CARD8: variants seen among roughly 807,000 people sequenced by gnomAD.
CARD8 encodes caspase recruitment domain-containing protein 8.
In CARD8, 38 loss-of-function variants were observed where a neutral mutation model predicts 53.2. The ratio of observed to expected loss-of-function variants is 0.71; its 90% CI spans 0.55 to 0.94. The LOEUF (loss-of-function observed/expected upper bound fraction) is 0.94. Among genes scored for constraint, CARD8 ranks in the 40% least tolerant of loss-of-function variants. The probability of loss-of-function intolerance (pLI) is 0.00; values close to 1 mark genes in which losing one functional copy is unlikely to be tolerated. For missense variants in CARD8, 561 were observed against 655.5 expected (o/e 0.86, Z 1.57); for synonymous variants, 245 against 244.9 (o/e 1.00, Z 0.00).
chr19:48,247,958 T>C (rs1164772736), intron 3 of CARD8, among the ~76,000 whole-genome samples: 2 of 152,140 alleles, frequency 1.3e-5, no homozygotes, highest in Non-Finnish European at 2.9e-5. Flanking sequence ...CAAATTTTAC[T>C]ATGACTATTT....
chr19:48,220,954 A>AAAGGAAGGAAGGAAGGAAGGAAGGAAGG (rs373278605), intron 11 of CARD8, among the ~76,000 whole-genome samples: 1 of 101,270 alleles, frequency 9.9e-6, no homozygotes, highest in African/African-American at 3.9e-5. Flanking sequence ...AAAGGAAAGG[A>AAAGGAAGGAAGGAAGGAAGGAAGGAAGG]AAGGAAGGAA....
rs751229617 is a variant in CARD8 at position 48,211,863 on chromosome 19, C to T, written c.1461G>A (p.Glu487=). Residue 487 remains glutamate (E), a synonymous_variant, in exon 14 of 14, where the codon GAG becomes GAA. Coordinates refer to ENST00000651546, the MANE Select transcript of CARD8 (RefSeq NM_001184900.3). ...GCCGTGTCTTTTCCTGCTCCACCAG[C>T]TCCTTCTCATTCTCAGTAAGAACCT... ...DNEVLTENEK[E]LVEQEKTRQS... 12 of 1,614,160 alleles carry T rather than the reference C, an allele frequency of 7.4e-6. No homozygotes were observed. In the Admixed American group the frequency reaches 1.5e-4, roughly 20 times the overall value.
intron 3 of CARD8, chr19:48,242,625 G>C (rs894244228): frequency 6.6e-6 from 1 of 152,154 alleles, no homozygotes; most frequent in Admixed American, 6.5e-5. Flanking sequence ...ATAGACATTT[G>C]GGTGAGTTCC....
At chr19:48,242,988 T>A (rs1322920715) in intron 3 of CARD8, among the ~76,000 whole-genome samples, 1 of 152,160 alleles carries the variant, frequency 6.6e-6, no homozygotes, top group Non-Finnish European at 1.5e-5. Flanking sequence ...TTAACTTTTA[T>A]ATAATAATAA....
At chr19:48,215,573 G>A (rs2039097669) in intron 12 of CARD8, among the ~76,000 whole-genome samples, 189 bp from the exon 13 acceptor site, 1 of 152,150 alleles carries the variant, frequency 6.6e-6, no homozygotes, top group Non-Finnish European at 1.5e-5. Context: ...ATTCAGAAAA[G>A]GCATCGGAGG....
intron 12 of CARD8, among the ~76,000 whole-genome samples, chr19:48,216,493 T>A (rs2039328853): frequency 6.6e-6 from 1 of 152,178 alleles, no homozygotes; most frequent in East Asian, 1.9e-4. Context: ...GCTACTCATG[T>A]GGAGATGAGG....
Position 48,214,769 on chromosome 19 carries a change from C to CTTT in CARD8, c.1348+568_1348+570dup, listed in dbSNP as rs531199248. 5.9e-3 allele frequency among the ~76,000 whole-genome samples: 530 copies of CTTT among 89,510 alleles called. 47 individuals carry two copies. Among genetic ancestry groups the CTTT allele is most frequent in the Middle Eastern group, 0.015 (2 of 132 alleles). 58.7% of individuals were successfully genotyped at this position (89,510 alleles called of 152,430 possible). A position where few individuals can be genotyped will look rare whatever the true frequency, so the allele number is the denominator to read the frequency against. The stretch of plus-strand genomic sequence containing the variant: ...CCTTCCTTTCATTCCTGCTATAAAG[C>CTTT]TTTTTTTTTTTTTTTTTTTTTTTTT... On this transcript the variant is annotated intron_variant, in intron 13 of 13. Transcript: ENST00000651546.
At chr19:48,206,277 G>C (rs990972964), downstream of CARD8, 5 of 343,046 alleles carry the variant, frequency 1.5e-5, no homozygotes, top group South Asian at 8.8e-5. Flanking sequence ...AACATTATGG[G>C]AAGTTGTATA....
In CARD8 at chr19:48,240,346, C is replaced by G. The variant is rs187927605; in HGVS notation, c.59+616G>C. ...TGGTCAAGGCCATAGGCCCATGCAT[C>G]AAGGAAAGAGCTGGAAGAACAGCCC... On this transcript the variant is annotated intron_variant, in intron 4 of 13. Coordinates refer to ENST00000651546, the MANE Select transcript of CARD8 (RefSeq NM_001184900.3). Among the ~76,000 whole-genome samples, 3 of 152,232 alleles carry G rather than the reference C, an allele frequency of 2.0e-5. No individual in the cohort carries two copies. In the East Asian group the frequency reaches 5.8e-4, roughly 29 times the overall value.
intron 3 of CARD8, among the ~76,000 whole-genome samples, chr19:48,248,944 T>C (rs540842955): frequency 1.1e-3 from 163 of 152,312 alleles, no homozygotes; most frequent in Non-Finnish European, 1.8e-3. Flanking sequence ...ACGCCTGTAA[T>C]CCCAACACTT....
At chr19:48,230,356 C>T in intron 10 of CARD8, 82 bp downstream of exon 10, 2 of 1,454,620 alleles carry the variant, frequency 1.4e-6, no homozygotes, top group Non-Finnish European at 1.9e-6. Flanking sequence ...CCTTTCTGTT[C>T]CACGAGGAAC....
rs376991226 is a variant in CARD8, at chr19:48,230,769, C to T, written c.772+8G>A. Reference sequence around the variant, plus strand: ...CGGCCCCCACAGCCTCCGCTCACCCCACATTACCTTGGAGGGAGATGAAGT... The same window carrying T: ...CGGCCCCCACAGCCTCCGCTCACCCTACATTACCTTGGAGGGAGATGAAGT... On this transcript the variant is annotated splice_region_variant and intron_variant, in intron 9 of 13. Coordinates refer to ENST00000651546, the MANE Select transcript of CARD8 (RefSeq NM_001184900.3). 6.2e-6 allele frequency: 10 copies of T among 1,613,844 alleles called. No homozygotes were observed. In the East Asian group the frequency reaches 1.1e-4, roughly 18 times the overall value.
At chr19:48,223,500 G>C (rs898659943) in intron 10 of CARD8, among the ~76,000 whole-genome samples, 5 of 152,204 alleles carry the variant, frequency 3.3e-5, no homozygotes, top group Admixed American at 3.3e-4. Flanking sequence ...TCACATATAT[G>C]TTTAGAAAAA....
At chr19:48,212,511 C>T (rs1198395918) in intron 13 of CARD8, among the ~76,000 whole-genome samples, 2 of 152,144 alleles carry the variant, frequency 1.3e-5, no homozygotes, top group East Asian at 1.9e-4. Context: ...TCAGGGTTTA[C>T]GTTGTGCCCC....
Position 48,231,953 on chromosome 19 carries a change from G to T in CARD8, c.392-143C>A, listed in dbSNP as rs763849222. 28 of 749,394 alleles carry T rather than the reference G, an allele frequency of 3.7e-5. No homozygotes were observed. The East Asian group carries it at 6.4e-4, about 17-fold the overall frequency. The allele number at this position is 749,394 out of a possible 1,614,324, so 46.4% of individuals were successfully genotyped here. Reference sequence around the variant, plus strand: ...GAGAGTGACCAGAATATGCAGTTTCGCTTCTTTGAATCCAGACAAAGAAAG... The same window carrying T: ...GAGAGTGACCAGAATATGCAGTTTCTCTTCTTTGAATCCAGACAAAGAAAG... On this transcript the variant is annotated intron_variant, in intron 7 of 13. Coordinates refer to ENST00000651546, the MANE Select transcript of CARD8 (RefSeq NM_001184900.3).
Position 48,209,829 on chromosome 19 carries a change from G to C in CARD8, c.*1881C>G, listed in dbSNP as rs1368660547. ...AATTTTACAGTAGAAGACATGAGAA[G>C]GATATAAAAGTTTGTTTTCTGTATT... On this transcript the variant is annotated 3_prime_UTR_variant, in exon 14 of 14. Coordinates refer to ENST00000651546, the MANE Select transcript of CARD8 (RefSeq NM_001184900.3). 6.6e-6 allele frequency: 1 copy of C among 152,222 alleles called. No homozygotes were observed. Among genetic ancestry groups the C allele is most frequent in the East Asian group, 1.9e-4 (1 of 5,336 alleles). 9.4% of individuals were successfully genotyped at this position (152,222 alleles called of 1,614,324 possible).
chr19:48,247,968 T>C (rs902962594), intron 3 of CARD8, among the ~76,000 whole-genome samples: 1 of 152,150 alleles, frequency 6.6e-6, no homozygotes, highest in Non-Finnish European at 1.5e-5. Context: ...TATGACTATT[T>C]CAACTGAAAA....
intron 3 of CARD8, among the ~76,000 whole-genome samples, chr19:48,248,326 G>A (rs907140125): frequency 2.0e-5 from 3 of 152,028 alleles, no homozygotes; most frequent in Admixed American, 2.0e-4. Context: ...ACCAGTCTGT[G>A]CCACACAGCG....
intron 1 of CARD8, among the ~76,000 whole-genome samples, chr19:48,253,874 G>A (rs1465605511): frequency 6.6e-6 from 1 of 152,114 alleles, no homozygotes; most frequent in Non-Finnish European, 1.5e-5. Context: ...CAGAATAACA[G>A]AGTATCAGTA....
Sources: allele counts gnomAD v4.1 joint callset (sites outside exome capture counted in the v4.1 genomes callset), GRCh38; gene constraint gnomAD v4.1.1; transcripts MANE v1.5; gene names NCBI Gene and HGNC (gene_info 2026-07-23, HGNC 2026-07-21).